Variants in TMC1 observed in about 807,000 individuals in gnomAD.
TMC1 encodes the protein transmembrane channel like 1.
In TMC1, 84 loss-of-function variants were observed where a neutral mutation model predicts 105.8. That is an observed-to-expected ratio of 0.79 (90% confidence interval 0.67 to 0.95). The LOEUF is 0.95. TMC1 is among the 40% of genes least tolerant of loss of function. The pLI is 0.00. For missense variants in TMC1, 817 were observed against 914.1 expected (o/e 0.89, Z 1.37); for synonymous variants, 315 against 311.5 (o/e 1.01, Z -0.12).
chr9:72,678,899 A>T (rs143635123), intron 5 of TMC1, among the ~76,000 whole-genome samples: 1,702 of 152,136 alleles, frequency 0.011, 35 homozygotes, highest in African/African-American at 0.039. Context: ...CTTTATTCTA[A>T]TAATGTTACC....
At chr9:72,762,701 T>C (rs911574117) in intron 12 of TMC1, among the ~76,000 whole-genome samples, 8 of 152,240 alleles carry the variant, frequency 5.3e-5, no homozygotes, top group African/African-American at 1.4e-4. Flanking sequence ...TTGGAGGGGG[T>C]GAGGACCCTC....
intron 8 of TMC1, among the ~76,000 whole-genome samples, chr9:72,731,803 C>T (rs889167527): frequency 1.3e-5 from 2 of 152,164 alleles, no homozygotes; most frequent in Non-Finnish European, 1.5e-5. Context: ...TCCCCTGCAC[C>T]AGAATGTCCC....
chr9:72,603,896 C>T (rs920561430), intron 2 of TMC1, among the ~76,000 whole-genome samples: 1 of 104,828 alleles, frequency 9.5e-6, no homozygotes, highest in African/African-American at 3.6e-5. Flanking sequence ...GACGGAATTT[C>T]GCTCTTGTTG....
chr9:72,770,228 G>C (rs1240060629), intron 12 of TMC1, among the ~76,000 whole-genome samples: 2 of 150,152 alleles, frequency 1.3e-5, no homozygotes, highest in Non-Finnish European at 1.5e-5. Flanking sequence ...TCCTAGTCAG[G>C]GTTCTCCAGA....
intron 5 of TMC1, among the ~76,000 whole-genome samples, chr9:72,665,641 C>G (rs923428683): frequency 6.6e-6 from 1 of 152,210 alleles, no homozygotes; most frequent in Non-Finnish European, 1.5e-5. Flanking sequence ...ACAAGTCTGA[C>G]AACTGGTGAC....
At position 72,836,220 on chromosome 9, in the gene TMC1, CTTT is replaced by C. The variant is rs71495343; in HGVS notation, c.*260_*262del. Reference sequence around the variant, plus strand: ...CTCTCTCCCCTGCTCCATTTCGTGACTTTTTTTTTTTTTTTAACAAATTGAGTT... The same window carrying C: ...CTCTCTCCCCTGCTCCATTTCGTGACTTTTTTTTTTTTAACAAATTGAGTT... On this transcript the variant is annotated 3_prime_UTR_variant, in exon 24 of 24. Coordinates refer to ENST00000297784, the MANE Select transcript of TMC1 (RefSeq NM_138691.3). 3.1e-4 allele frequency: 138 copies of C among 439,658 alleles called. No individual in the cohort carries two copies. Among genetic ancestry groups the C allele is most frequent in the East Asian group, 5.1e-4 (14 of 27,720 alleles). The allele number at this position is 439,658 out of a possible 1,614,324, so 27.2% of individuals were successfully genotyped here. A position where few individuals can be genotyped will look rare whatever the true frequency, so the allele number is the denominator to read the frequency against.
In TMC1 at chr9:72,555,973, C is replaced by CAAAAAA. The variant is rs59431883; in HGVS notation, c.-427-21903_-427-21898dup. 1.9e-4 allele frequency among the ~76,000 whole-genome samples: 8 copies of CAAAAAA among 42,578 alleles called. 1 individual carries two copies. Among genetic ancestry groups the CAAAAAA allele is most frequent in the African/African-American group, 4.8e-4 (5 of 10,480 alleles). 27.9% of individuals were successfully genotyped at this position (42,578 alleles called of 152,430 possible). On this transcript the variant is annotated intron_variant, in intron 1 of 23. Coordinates refer to ENST00000297784, the MANE Select transcript of TMC1 (RefSeq NM_138691.3). ...CAGGAAAACCAATCTATGACTAAGG[C>CAAAAAA]AAAAAAAAAAAAAAAAAAAAAAAAA...
chr9:72,627,544 C>T (rs1473777837), intron 3 of TMC1, among the ~76,000 whole-genome samples: 1 of 152,170 alleles, frequency 6.6e-6, no homozygotes, highest in Non-Finnish European at 1.5e-5. Flanking sequence ...CTTGTGGTTT[C>T]CTTGCCGGAG....
At chr9:72,533,988 C>A (rs541262198) in intron 1 of TMC1, among the ~76,000 whole-genome samples, 1 of 151,932 alleles carries the variant, frequency 6.6e-6, no homozygotes, top group South Asian at 2.1e-4. Flanking sequence ...CAAAAATTAG[C>A]CGGGTGTGAT....
At chr9:72,554,526 C>T (rs1401318199) in intron 1 of TMC1, among the ~76,000 whole-genome samples, 2 of 152,160 alleles carry the variant, frequency 1.3e-5, no homozygotes, top group African/African-American at 4.8e-5. Context: ...GCATTTTACT[C>T]TCTCTTCCTG....
At chr9:72,672,514 T>C (rs1175336083) in intron 5 of TMC1, among the ~76,000 whole-genome samples, 1 of 151,920 alleles carries the variant, frequency 6.6e-6, no homozygotes, top group African/African-American at 2.4e-5. Flanking sequence ...CAACTATATC[T>C]TGCCTATAAG....
At chr9:72,735,690 C>T (rs1827286512) in intron 8 of TMC1, among the ~76,000 whole-genome samples, 1 of 152,168 alleles carries the variant, frequency 6.6e-6, no homozygotes, top group Non-Finnish European at 1.5e-5. Context: ...GGTCAGCCCT[C>T]AAAATAGTAT....
intron 8 of TMC1, among the ~76,000 whole-genome samples, chr9:72,710,330 G>T (rs1826815091): frequency 1.3e-5 from 2 of 152,128 alleles, no homozygotes; most frequent in African/African-American, 4.8e-5. Flanking sequence ...TGGTTGTTGG[G>T]TAGAATATTC....
intron 2 of TMC1, among the ~76,000 whole-genome samples, chr9:72,610,843 G>C (rs1183352329): frequency 6.6e-6 from 1 of 152,228 alleles, no homozygotes; most frequent in Non-Finnish European, 1.5e-5. Flanking sequence ...AGCCAAGAGA[G>C]AAAGGCTAGA....
At chr9:72,790,549 G>T (rs577268612) in intron 15 of TMC1, among the ~76,000 whole-genome samples, 1 of 152,078 alleles carries the variant, frequency 6.6e-6, no homozygotes, top group South Asian at 2.1e-4. Flanking sequence ...ATGCAGCTTT[G>T]GTCCATTATT....
chr9:72,772,947 A>G (rs1050886637), intron 13 of TMC1, among the ~76,000 whole-genome samples: 1 of 152,172 alleles, frequency 6.6e-6, no homozygotes, highest in Non-Finnish European at 1.5e-5. Context: ...GGCAGAATCT[A>G]TTGTTCTCTG....
intron 21 of TMC1, 149 bp downstream of exon 21, chr9:72,827,143 T>A: frequency 9.4e-7 from 1 of 1,059,916 alleles, no homozygotes; most frequent in Non-Finnish European, 1.5e-6. Flanking sequence ...GGTGAGAGGC[T>A]AAAATTCATG....
In TMC1 at chr9:72,830,638, T is replaced by A. The variant is rs1588105994; in HGVS notation, c.2216T>A (p.Leu739Ter). ...TTATTTTTTATTGTGTAGCAAGCTT[T>A]GGAGAACAAAATGCGAAACAAGAAA... ...DLKKKMKMQA[L>*]ENKMRNKKMA... is the part of the protein sequence containing the mutation. Residue 739 changes from leucine to a stop codon, truncating the protein, a stop_gained, in exon 23 of 24, where the codon TTG becomes TAG. Transcript: ENST00000297784. LOFTEE classifies it high-confidence loss of function. 1 of 1,613,816 alleles carries A rather than the reference T, an allele frequency of 6.2e-7. No homozygotes were observed. The highest frequency in any genetic ancestry group is 1.1e-5 in the South Asian group (1 of 91,002).
chr9:72,817,378 A>G (rs534670311), intron 19 of TMC1: 3 of 152,254 alleles, frequency 2.0e-5, no homozygotes, highest in Admixed American at 2.0e-4. Flanking sequence ...AAGGAAATGC[A>G]TCCTACATTT....
Sources: allele counts gnomAD v4.1 joint callset (sites outside exome capture counted in the v4.1 genomes callset), GRCh38; gene constraint gnomAD v4.1.1; transcripts MANE v1.5; gene names NCBI Gene and HGNC (gene_info 2026-07-23, HGNC 2026-07-21).